Variants in METTL16 observed in about 807,000 individuals in gnomAD.
METTL16 encodes the protein methyltransferase 16, RNA N6-adenosine.
In METTL16, 19 loss-of-function variants were observed where a neutral mutation model predicts 57.9. The ratio of observed to expected loss-of-function variants is 0.33; its 90% CI spans 0.23 to 0.48. METTL16 has a LOEUF of 0.48. Ranked by LOEUF, METTL16 falls within the 20% of genes least tolerant of loss-of-function variation. The pLI, the probability that METTL16 is intolerant of heterozygous loss-of-function variation, is 0.99. For synonymous variants in METTL16, 246 were observed against 255.6 expected (o/e 0.96, Z 0.36); for missense variants, 434 against 691.5 (o/e 0.63, Z 4.18).
chr17:2,422,348 A>AC (rs932922406), intron 8 of METTL16, among the ~76,000 whole-genome samples: 13 of 151,282 alleles, frequency 8.6e-5, no homozygotes, highest in Non-Finnish European at 1.6e-4. Context: ...AAAAAAAAAA[A>AC]AACAAAACCA....
In METTL16 at chr17:2,495,694, CAA is replaced by C. The variant is rs58828846; in HGVS notation, c.128+6508_128+6509del. Reference sequence around the variant, plus strand: ...TGGGTGACAGAGAAAGACTCTGTCTCAAAAAAAAAAAAAAAAAGAAAAAGATT... The same window carrying C: ...TGGGTGACAGAGAAAGACTCTGTCTCAAAAAAAAAAAAAAAGAAAAAGATT... On this transcript the variant is annotated intron_variant, in intron 2 of 9. Coordinates refer to ENST00000263092, the MANE Select transcript of METTL16 (RefSeq NM_024086.4). Among the ~76,000 whole-genome samples the C allele has an allele frequency of 6.3e-3, 722 of 114,722 alleles. 3 individuals carry two copies. The highest frequency in any genetic ancestry group is 8.9e-3 in the Middle Eastern group (2 of 224). The allele number at this position is 114,722 out of a possible 152,430, so 75.3% of individuals were successfully genotyped here.
intron 5 of METTL16, among the ~76,000 whole-genome samples, chr17:2,467,403 A>C (rs970462811): frequency 1.3e-5 from 2 of 152,136 alleles, no homozygotes; most frequent in African/African-American, 4.8e-5. Flanking sequence ...CTTTGCTCTT[A>C]TCTGTGCAAA....
chr17:2,494,108 C>T (rs2067422772), intron 2 of METTL16, among the ~76,000 whole-genome samples: 1 of 152,090 alleles, frequency 6.6e-6, no homozygotes, highest in African/African-American at 2.4e-5. Context: ...TGCAGTGGTG[C>T]AATCTTGGCT....
chr17:2,428,169 G>A (rs1234817440), intron 8 of METTL16, among the ~76,000 whole-genome samples: 1 of 151,840 alleles, frequency 6.6e-6, no homozygotes, highest in African/African-American at 2.4e-5. Flanking sequence ...TGACTAACCT[G>A]GTACCATCCC....
chr17:2,464,373 G>A (rs768488518), intron 5 of METTL16, 23 bp from the exon 6 acceptor site: 3 of 1,577,922 alleles, frequency 1.9e-6, no homozygotes, highest in South Asian at 1.2e-5. Flanking sequence ...AAAAAACCCT[G>A]GTGAAAAATG....
intron 6 of METTL16, among the ~76,000 whole-genome samples, chr17:2,446,485 CA>C (rs950463975): frequency 1.3e-5 from 2 of 152,180 alleles, no homozygotes; most frequent in African/African-American, 4.8e-5. Context: ...AAGGTCAACA[CA>C]AAATCAATTG....
At chr17:2,452,245 T>C (rs1270980506) in intron 6 of METTL16, among the ~76,000 whole-genome samples, 1 of 152,124 alleles carries the variant, frequency 6.6e-6, no homozygotes, top group African/African-American at 2.4e-5. Context: ...CATTGATACT[T>C]AATAGACACT....
At chr17:2,506,950 T>G (rs1159928967) in intron 1 of METTL16, among the ~76,000 whole-genome samples, 2 of 146,070 alleles carry the variant, frequency 1.4e-5, no homozygotes, top group African/African-American at 5.1e-5. Context: ...GTCTGAGAAG[T>G]GAGGAGACCC....
At chr17:2,443,888 GA>G (rs1200960203) in intron 6 of METTL16, among the ~76,000 whole-genome samples, 1 of 152,210 alleles carries the variant, frequency 6.6e-6, no homozygotes, top group Non-Finnish European at 1.5e-5. Flanking sequence ...GGTAGGCTGG[GA>G]AAAGGGAAGA....
At chr17:2,475,836 T>C (rs1028689028) in intron 3 of METTL16, among the ~76,000 whole-genome samples, 4 of 152,174 alleles carry the variant, frequency 2.6e-5, no homozygotes, top group South Asian at 4.1e-4. Context: ...GTGCCCCTTG[T>C]GAAGAATTGA....
At chr17:2,510,124 C>CA (rs1046280586) in intron 1 of METTL16, among the ~76,000 whole-genome samples, 4 of 151,016 alleles carry the variant, frequency 2.6e-5, no homozygotes, top group East Asian at 1.9e-4. Context: ...TGGCAAGCAA[C>CA]AAAAAAAAGT....
chr17:2,494,089 T>G (rs1192309466), intron 2 of METTL16, among the ~76,000 whole-genome samples: 1 of 152,180 alleles, frequency 6.6e-6, no homozygotes, highest in South Asian at 2.1e-4. Flanking sequence ...TCTGTTGCCC[T>G]GGCTGGAGTG....
chr17:2,425,013 A>G (rs2066808061), intron 8 of METTL16, among the ~76,000 whole-genome samples: 1 of 152,096 alleles, frequency 6.6e-6, no homozygotes, highest in Admixed American at 6.5e-5. Flanking sequence ...TTAAATGATG[A>G]AAGATTAACT....
chr17:2,430,720 G>A (rs930228317), intron 8 of METTL16, among the ~76,000 whole-genome samples: 2 of 151,848 alleles, frequency 1.3e-5, no homozygotes, highest in African/African-American at 4.8e-5. Flanking sequence ...GCCCAGCCTA[G>A]ATATATTTTT....
At chr17:2,445,812 AAAT>A (rs2066991078) in intron 6 of METTL16, among the ~76,000 whole-genome samples, 1 of 151,860 alleles carries the variant, frequency 6.6e-6, no homozygotes, top group Non-Finnish European at 1.5e-5. Flanking sequence ...TTAATTTAAA[AAAT>A]AATAAAATAA....
At chr17:2,442,890 C>T (rs2066964531) in intron 6 of METTL16, among the ~76,000 whole-genome samples, 3 of 149,866 alleles carry the variant, frequency 2.0e-5, no homozygotes. Flanking sequence ...TGCAGTGGTA[C>T]CATCTGGGCT....
At chr17:2,442,466 C>T (rs1243300476) in intron 6 of METTL16, among the ~76,000 whole-genome samples, 5 of 146,382 alleles carry the variant, frequency 3.4e-5, no homozygotes, top group Admixed American at 6.8e-5. Context: ...TTAACAAGAG[C>T]AAATGAAACC....
At chr17:2,499,172 T>G (rs911842201) in intron 2 of METTL16, among the ~76,000 whole-genome samples, 3 of 151,550 alleles carry the variant, frequency 2.0e-5, no homozygotes, top group African/African-American at 7.3e-5. Flanking sequence ...TCCCCACTAG[T>G]GTATAAACTA....
chr17:2,422,621 C>T (rs1471667368), intron 8 of METTL16, among the ~76,000 whole-genome samples: 17 of 152,048 alleles, frequency 1.1e-4, no homozygotes, highest in East Asian at 4.0e-4. Context: ...CCACCCACCT[C>T]GGCCTCTCAA....
Sources: gnomAD v4.1 joint callset for allele counts (sites outside exome capture counted in the v4.1 genomes callset) on GRCh38, gnomAD v4.1.1 for gene constraint, MANE v1.5 for transcripts, NCBI Gene and HGNC (gene_info 2026-07-23, HGNC 2026-07-21) for gene names.